The following FAM83A variants were observed in gnomAD, a reference collection of about 807,000 sequenced individuals.
The protein encoded by FAM83A is protein FAM83A.
FAM83A carries 21 observed loss-of-function variants against 24.4 expected under a neutral mutation model. The ratio of observed to expected loss-of-function variants is 0.86; its 90% CI spans 0.61 to 1.24. FAM83A has a LOEUF of 1.24. Among genes scored for constraint, FAM83A ranks in the 50% most tolerant of loss-of-function variants. The probability of loss-of-function intolerance (pLI) is 0.00; values close to 1 mark genes in which losing one functional copy is unlikely to be tolerated. For missense variants in FAM83A, 617 were observed against 579.8 expected, an observed-to-expected ratio of 1.06 and a Z score of -0.66; for synonymous variants, 270 against 252.4, an observed-to-expected ratio of 1.07 and a Z score of -0.66.
At chr8:123,182,385 G>C (rs62521841), upstream of FAM83A, 561 of 357,686 alleles carry the variant, frequency 1.6e-3, 5 homozygotes, top group African/African-American at 0.011. Flanking sequence ...CATGGGAATC[G>C]AGGCACCCAG....
chr8:123,209,306 C>G lies in FAM83A; in HGVS notation c.*1618C>G. On this transcript the variant is annotated 3_prime_UTR_variant, in exon 4 of 4. Transcript: ENST00000690554. The surrounding 1 kb of genome is among the most constrained non-coding windows in gnomAD (Gnocchi z 4.7). Reference sequence around the variant, plus strand: ...CCTAGTCCCCTCTGCCCATCCATCCCTCTGTTCCAATTCTCCACTGCTCCC... The same window carrying G: ...CCTAGTCCCCTCTGCCCATCCATCCGTCTGTTCCAATTCTCCACTGCTCCC... 7.2e-7 allele frequency: 1 copy of G among 1,391,114 alleles called. No homozygotes were observed. Among genetic ancestry groups the G allele is most frequent in the Non-Finnish European group, 9.3e-7 (1 of 1,080,464 alleles). The allele number at this position is 1,391,114 out of a possible 1,614,324, so 86.2% of individuals were successfully genotyped here.
chr8:123,200,960 A>T (rs554005413), intron 3 of FAM83A, among the ~76,000 whole-genome samples: 46 of 107,904 alleles, frequency 4.3e-4, no homozygotes, highest in African/African-American at 1.4e-3. Flanking sequence ...AAATAAACAA[A>T]AAAAAAAAAT....
At chr8:123,200,814 A>T (rs1292309015) in intron 3 of FAM83A, among the ~76,000 whole-genome samples, 2 of 151,696 alleles carry the variant, frequency 1.3e-5, no homozygotes, top group African/African-American at 2.4e-5. Flanking sequence ...AATTAGCCAG[A>T]TGTGGTGGTG....
exon 1 of FAM83A, chr8:123,183,157 C>G: frequency 6.2e-7 from 1 of 1,613,790 alleles, no homozygotes; most frequent in African/African-American, 1.3e-5. Flanking sequence ...CAGCTCCCTA[C>G]AGTCCGGCAC....
At chr8:123,180,796 G>T (rs1188664043), upstream of FAM83A, 1 of 152,040 alleles carries the variant, frequency 6.6e-6, no homozygotes, top group Non-Finnish European at 1.5e-5. Context: ...GGGTTTATTG[G>T]ATTTGTCCTC....
chr8:123,183,034 G>A (rs770503710), exon 1 of FAM83A: 1 of 1,610,810 alleles, frequency 6.2e-7, no homozygotes, highest in Admixed American at 1.7e-5. Context: ...GGAAGGCGAG[G>A]TGGACTTCTT....
Position 123,205,978 on chromosome 8 carries a change from A to G in FAM83A, c.774-1179A>G, listed in dbSNP as rs1824539085. ...GCCAACATGGTGAACCCCTGTCTCT[A>G]CTAAAAATACAAAAATTAGCTGGGC... On this transcript the variant is annotated intron_variant, in intron 3 of 3. Coordinates refer to ENST00000690554, the Ensembl canonical transcript of FAM83A. Among the ~76,000 whole-genome samples, 4 of 152,026 alleles carry G rather than the reference A, an allele frequency of 2.6e-5. No homozygotes were observed. The South Asian group carries it at 8.3e-4, about 32-fold the overall frequency.
Position 123,197,599 on chromosome 8 carries a change from G to A in FAM83A, c.773+3451G>A, listed in dbSNP as rs536051413. On this transcript the variant is annotated intron_variant, in intron 3 of 3. Coordinates refer to ENST00000690554, the Ensembl canonical transcript of FAM83A. Reference sequence around the variant, plus strand: ...AGACATTGGGTTGTTTCCCCCTTTCGGCGATTGTGAATATTAGCTGAGGAA... The same window carrying A: ...AGACATTGGGTTGTTTCCCCCTTTCAGCGATTGTGAATATTAGCTGAGGAA... 9.2e-5 allele frequency among the ~76,000 whole-genome samples: 14 copies of A among 152,198 alleles called. No individual in the cohort carries two copies. The South Asian group carries it at 1.0e-3, about 11-fold the overall frequency.
upstream of FAM83A, chr8:123,181,607 G>C (rs1445679509): frequency 1.2e-5 from 2 of 167,670 alleles, no homozygotes; most frequent in African/African-American, 4.7e-5. Flanking sequence ...TGATAACTAG[G>C]ACTCCTTAGA....
At chr8:123,187,056 G>A (rs979209688) in intron 1 of FAM83A, among the ~76,000 whole-genome samples, 2 of 152,172 alleles carry the variant, frequency 1.3e-5, no homozygotes, top group Admixed American at 6.5e-5. Context: ...AGGTGGTCTC[G>A]GAGTAGAGTC....
rs200269929 is a variant in FAM83A at position 123,183,163 on chromosome 8, G to A, written c.307G>A (p.Gly103Ser). ...ACTGGACTCCAGCTCCCTACAGTCCGGCACCTACTTCCCTGTGGCCTCAGA... is the reference window on the plus strand; with the variant it reads ...ACTGGACTCCAGCTCCCTACAGTCCAGCACCTACTTCCCTGTGGCCTCAGA... Residue 103 changes from glycine to serine, a missense_variant, in exon 1 of 4, where the codon GGC becomes AGC. By Grantham distance (56) the Gly-to-Ser change is moderately conservative. Coordinates refer to ENST00000690554, the Ensembl canonical transcript of FAM83A. 25 of 1,613,742 alleles carry A rather than the reference G, an allele frequency of 1.5e-5. No individual in the cohort carries two copies. In the East Asian group the frequency reaches 2.9e-4, roughly 19 times the overall value.
At chr8:123,203,868 A>G (rs1475487647) in intron 3 of FAM83A, among the ~76,000 whole-genome samples, 1 of 148,446 alleles carries the variant, frequency 6.7e-6, no homozygotes, top group East Asian at 2.0e-4. Flanking sequence ...GAGGCAGAAG[A>G]AGCGCTTGAA....
chr8:123,182,399 G>A (rs759901842), upstream of FAM83A: 14 of 362,716 alleles, frequency 3.9e-5, no homozygotes, highest in Non-Finnish European at 7.7e-5. Context: ...CACCCAGGAG[G>A]GGAGCAGAGG....
chr8:123,187,924 G>A (rs184096088), intron 1 of FAM83A, among the ~76,000 whole-genome samples: 3 of 152,024 alleles, frequency 2.0e-5, no homozygotes, highest in East Asian at 3.9e-4. Flanking sequence ...GCAATGGCGC[G>A]ATCTCAGCTC....
chr8:123,190,006 A>G (rs1855090975), intron 1 of FAM83A, among the ~76,000 whole-genome samples: 1 of 152,176 alleles, frequency 6.6e-6, no homozygotes, highest in Admixed American at 6.5e-5. Flanking sequence ...GGTTACTAAC[A>G]GACCACATCT....
intron 1 of FAM83A, among the ~76,000 whole-genome samples, chr8:123,188,482 T>C (rs1201122413): frequency 6.6e-6 from 1 of 151,972 alleles, no homozygotes; most frequent in Non-Finnish European, 1.5e-5. Context: ...TTCTTTTTCT[T>C]TCTTACTTTT....
chr8:123,200,961 A>C lies in FAM83A; in HGVS notation c.774-6196A>C, dbSNP rs574054404. Among the ~76,000 whole-genome samples the C allele has an allele frequency of 2.1e-3, 274 of 132,792 alleles. 3 individuals carry two copies. Among genetic ancestry groups the C allele is most frequent in the South Asian group, 8.6e-3 (37 of 4,304 alleles). The allele number at this position is 132,792 out of a possible 152,430, so 87.1% of individuals were successfully genotyped here. On this transcript the variant is annotated intron_variant, in intron 3 of 3. Transcript: ENST00000690554. ...ACTCTGTCTCAAACAAATAAACAAAAAAAAAAAATATATATATATATATAC... is the reference window on the plus strand; with the variant it reads ...ACTCTGTCTCAAACAAATAAACAAACAAAAAAAATATATATATATATATAC...
chr8:123,182,317 G>C (rs1157326474), upstream of FAM83A: 5 of 357,398 alleles, frequency 1.4e-5, no homozygotes, highest in Admixed American at 1.1e-4. Context: ...AGAGAGGGGG[G>C]CGCATCTCAG....
At position 123,209,130 on chromosome 8, in the gene FAM83A, A is replaced by C. The variant is rs1824654016; in HGVS notation, c.*1442A>C. 9.5e-7 allele frequency: 1 copy of C among 1,058,084 alleles called. No individual in the cohort carries two copies. The highest frequency in any genetic ancestry group is 1.1e-6 in the Non-Finnish European group (1 of 878,310). The allele number at this position is 1,058,084 out of a possible 1,614,324, so 65.5% of individuals were successfully genotyped here. The stretch of plus-strand genomic sequence containing the variant: ...CCAGGCTGGGGAGCCAGAGGGGAGC[A>C]GGTGCCAACTCCACATCCTTCTCCT... On this transcript the variant is annotated 3_prime_UTR_variant, in exon 4 of 4. Coordinates refer to ENST00000690554, the Ensembl canonical transcript of FAM83A. The surrounding 1 kb of genome is among the most constrained non-coding windows in gnomAD (Gnocchi z 4.7).
Sources: gnomAD v4.1 joint callset for allele counts (sites outside exome capture counted in the v4.1 genomes callset) on GRCh38, gnomAD v4.1.1 for gene constraint, Gnocchi (gnomAD v3.1) non-coding constraint, MANE v1.5 for transcripts, NCBI Gene and HGNC (gene_info 2026-07-23, HGNC 2026-07-21) for gene names.